Variants in FZD3 observed in about 807,000 individuals in gnomAD.
FZD3 encodes frizzled class receptor 3.
Under a neutral mutation model 60.7 loss-of-function variants are expected in FZD3, and 30 were observed. That is an observed-to-expected ratio of 0.49 (90% CI 0.37 to 0.67). The LOEUF is 0.67. FZD3 is among the 30% of genes least tolerant of loss of function. The probability of loss-of-function intolerance (pLI) is 0.00; values close to 1 mark genes in which losing one functional copy is unlikely to be tolerated. For missense variants in FZD3, 605 were observed against 838.7 expected (o/e 0.72, Z 3.44); for synonymous variants, 246 against 275.2 (o/e 0.89, Z 1.05).
intron 4 of FZD3, among the ~76,000 whole-genome samples, chr8:28,521,229 G>T (rs1804571564): frequency 6.6e-6 from 1 of 152,028 alleles, no homozygotes; most frequent in Non-Finnish European, 1.5e-5. Context: ...GGATAGTTCT[G>T]TCATTTCTTT....
At chr8:28,502,615 A>G (rs1157272166) in intron 2 of FZD3, 55 bp from the exon 3 acceptor site, 1 of 155,600 alleles carries the variant, frequency 6.4e-6, no homozygotes, top group Non-Finnish European at 1.4e-5. Context: ...CAAGTCCATA[A>G]TACTTTGAGA....
chr8:28,515,608 G>A (rs1804404781), intron 3 of FZD3, among the ~76,000 whole-genome samples: 1 of 152,260 alleles, frequency 6.6e-6, no homozygotes, highest in Admixed American at 6.5e-5. Flanking sequence ...CTCACTTGAC[G>A]CATTCCTTCC....
intron 3 of FZD3, among the ~76,000 whole-genome samples, chr8:28,518,061 A>G (rs1432272634): frequency 6.6e-6 from 1 of 152,086 alleles, no homozygotes; most frequent in Non-Finnish European, 1.5e-5. Flanking sequence ...TTTCAGAGAC[A>G]GGGTCTCACT....
intron 5 of FZD3, among the ~76,000 whole-genome samples, chr8:28,539,167 C>G (rs1257021179): frequency 6.6e-6 from 1 of 152,132 alleles, no homozygotes; most frequent in Non-Finnish European, 1.5e-5. Flanking sequence ...GGTGAGCCAG[C>G]AAAGCTTCAT....
chr8:28,557,974 G>A (rs977819513), intron 7 of FZD3, among the ~76,000 whole-genome samples: 2 of 152,176 alleles, frequency 1.3e-5, no homozygotes, highest in African/African-American at 2.4e-5. Context: ...CAAAAGAGAT[G>A]GCACTTCTAC....
Position 28,528,047 on chromosome 8 carries a change from C to T in FZD3, c.1287C>T (p.Leu429=), listed in dbSNP as rs767945705. Residue 429 remains leucine (L), a synonymous_variant, in exon 5 of 8, where the codon CTC becomes CTT. Transcript: ENST00000240093. ...IRIGVFSILY[L]VPLLVVIGCY... is the part of the protein sequence containing the mutation. ...TCGGTGTTTTCAGCATTCTTTATCTCGTACCACTCTTGGTTGTAATTGGAT... is the reference window on the plus strand; with the variant it reads ...TCGGTGTTTTCAGCATTCTTTATCTTGTACCACTCTTGGTTGTAATTGGAT... 3.7e-6 allele frequency: 6 copies of T among 1,613,730 alleles called. No homozygotes were observed. In the African/African-American group the frequency reaches 6.7e-5, roughly 18 times the overall value.
chr8:28,499,280 A>G (rs1803928096), intron 1 of FZD3, among the ~76,000 whole-genome samples: 1 of 152,222 alleles, frequency 6.6e-6, no homozygotes, highest in Non-Finnish European at 1.5e-5. Context: ...ACTGTTTTGT[A>G]AACTGCCTTT....
At chr8:28,506,083 G>A (rs1254547709) in intron 3 of FZD3, among the ~76,000 whole-genome samples, 4 of 152,160 alleles carry the variant, frequency 2.6e-5, no homozygotes, top group Non-Finnish European at 5.9e-5. Context: ...TGTCCAAATT[G>A]CTAAGTAAAT....
At chr8:28,554,365 G>A (rs766810483) in intron 6 of FZD3, among the ~76,000 whole-genome samples, 15 of 152,088 alleles carry the variant, frequency 9.9e-5, no homozygotes, top group South Asian at 2.1e-4. Flanking sequence ...GAATAAGGCC[G>A]TTGATTACAG....
In FZD3 at chr8:28,502,312, C is replaced by T. The variant is rs547368574; in HGVS notation, c.-344-358C>T. Among the ~76,000 whole-genome samples, 6 of 151,854 alleles carry T rather than the reference C, an allele frequency of 4.0e-5. No individual in the cohort carries two copies. The East Asian group carries it at 7.7e-4, about 20-fold the overall frequency. On this transcript the variant is annotated intron_variant, in intron 2 of 7. Transcript: ENST00000240093. ...TTAGTTCAATAATTTAGGTTATAAGCGTAATATTTATTATTTAAATAAAAT... is the reference window on the plus strand; with the variant it reads ...TTAGTTCAATAATTTAGGTTATAAGTGTAATATTTATTATTTAAATAAAAT...
At chr8:28,538,189 A>G (rs1158475573) in intron 5 of FZD3, among the ~76,000 whole-genome samples, 1 of 151,444 alleles carries the variant, frequency 6.6e-6, no homozygotes, top group Non-Finnish European at 1.5e-5. Context: ...ATAAATAAAT[A>G]AAAATGAATT....
chr8:28,573,274 T>A lies in FZD3; in HGVS notation c.*10263T>A, dbSNP rs867461954. Reference sequence around the variant, plus strand: ...TAAAGTGTTAGTGACTATAGCCCTTTTATCTCTCTTAAAGAGAAATCTGCA... The same window carrying A: ...TAAAGTGTTAGTGACTATAGCCCTTATATCTCTCTTAAAGAGAAATCTGCA... On this transcript the variant is annotated 3_prime_UTR_variant, in exon 8 of 8. Coordinates refer to ENST00000240093, the MANE Select transcript of FZD3 (RefSeq NM_017412.4). The A allele has an allele frequency of 3.3e-5, 5 of 152,296 alleles. No homozygotes were observed. Among genetic ancestry groups the A allele is most frequent in the African/African-American group, 7.2e-5 (3 of 41,572 alleles). 9.4% of individuals were successfully genotyped at this position (152,296 alleles called of 1,614,324 possible).
intron 1 of FZD3, among the ~76,000 whole-genome samples, chr8:28,498,877 CA>C (rs1242163558): frequency 6.6e-6 from 1 of 152,184 alleles, no homozygotes; most frequent in East Asian, 1.9e-4. Flanking sequence ...GAATGTTTAT[CA>C]AAAGTTTTTA....
chr8:28,555,004 C>T (rs946879440), intron 6 of FZD3, among the ~76,000 whole-genome samples: 3 of 152,132 alleles, frequency 2.0e-5, no homozygotes, highest in African/African-American at 7.2e-5. Context: ...CTGCCTTGTT[C>T]ATCATCGTAA....
Position 28,567,938 on chromosome 8 carries a change from T to G in FZD3, c.*4927T>G, listed in dbSNP as rs1335864493. ...GAAGAAGAATGTAGACCCTATAATG[T>G]TTTTTGTCTTTGACTTTTTGGCTTT... On this transcript the variant is annotated 3_prime_UTR_variant, in exon 8 of 8. Coordinates refer to ENST00000240093, the MANE Select transcript of FZD3 (RefSeq NM_017412.4). 1 of 152,184 alleles carries G rather than the reference T, an allele frequency of 6.6e-6. No individual in the cohort carries two copies. The highest frequency in any genetic ancestry group is 1.5e-5 in the Non-Finnish European group (1 of 68,026). The allele number at this position is 152,184 out of a possible 1,614,324, so 9.4% of individuals were successfully genotyped here.
chr8:28,554,800 T>C (rs1372949138), intron 6 of FZD3, among the ~76,000 whole-genome samples: 1 of 152,126 alleles, frequency 6.6e-6, no homozygotes, highest in Non-Finnish European at 1.5e-5. Context: ...ACAATCCTTT[T>C]GTAATATGAG....
chr8:28,513,948 GGTA>G (rs940335140), intron 3 of FZD3, among the ~76,000 whole-genome samples: 1 of 152,056 alleles, frequency 6.6e-6, no homozygotes, highest in African/African-American at 2.4e-5. Flanking sequence ...AGGTTCCTAT[GGTA>G]ACAGGAATGG....
chr8:28,497,628 T>A (rs1276585579), intron 1 of FZD3, among the ~76,000 whole-genome samples: 1 of 152,198 alleles, frequency 6.6e-6, no homozygotes, highest in Non-Finnish European at 1.5e-5. Context: ...AAATGCAAAA[T>A]GTTACCTGCA....
chr8:28,502,356 A>G (rs1009014596), intron 2 of FZD3, among the ~76,000 whole-genome samples: 2 of 152,208 alleles, frequency 1.3e-5, no homozygotes, highest in Non-Finnish European at 2.9e-5. Context: ...ATAGCATAAT[A>G]ATTTTTCAAA....
Sources: gnomAD v4.1 joint callset for allele counts (sites outside exome capture counted in the v4.1 genomes callset) on GRCh38, gnomAD v4.1.1 for gene constraint, MANE v1.5 for transcripts, NCBI Gene and HGNC (gene_info 2026-07-23, HGNC 2026-07-21) for gene names.